The following TBL3 variants were observed in gnomAD, a reference collection of about 807,000 sequenced individuals.
TBL3 encodes transducin beta-like protein 3.
A neutral mutation model predicts 102.7 loss-of-function variants in TBL3; 71 were observed. That is an observed-to-expected ratio of 0.69 (90% CI 0.57 to 0.84). The LOEUF is 0.84. Among genes scored for constraint, TBL3 ranks in the 40% least tolerant of loss-of-function variants. The pLI is 0.00. For missense variants in TBL3, 1,188 were observed against 1,098.5 expected, an observed-to-expected ratio of 1.08 and a Z score of -1.15; for synonymous variants, 578 against 477.7, an observed-to-expected ratio of 1.21 and a Z score of -2.74.
At position 1,980,452 on chromosome 16, in the gene TBL3, C is replaced by CA; in HGVS notation, c.*1768dup. The CA allele has an allele frequency of 1.2e-6, 2 of 1,601,824 alleles. No homozygotes were observed. The highest frequency in any genetic ancestry group is 2.2e-5 in the South Asian group (2 of 91,068). ...GTCGGGCTCCGTGCCACGCGCTCTG[C>CA]AGTCGCCAGCAGCCTCCGAGAATAG... On this transcript the variant is annotated 3_prime_UTR_variant, in exon 22 of 22. Coordinates refer to ENST00000568546, the MANE Select transcript of TBL3 (RefSeq NM_006453.3).
Position 1,977,081 on chromosome 16 carries a change from A to G in TBL3, c.1468A>G (p.Asn490Asp). 6.2e-7 allele frequency: 1 copy of G among 1,613,256 alleles called. No homozygotes were observed. Among genetic ancestry groups the G allele is most frequent in the Non-Finnish European group, 8.5e-7 (1 of 1,179,996 alleles). The part of the protein sequence containing the change: ...KDINSVAIAP[N>D]DKLLATGSQD... ...CATCAACAGCGTGGCTATTGCCCCCAACGACAAGCTGCTGGCCACAGGCTC... is the reference window on the plus strand; with the variant it reads ...CATCAACAGCGTGGCTATTGCCCCCGACGACAAGCTGCTGGCCACAGGCTC... Residue 490 changes from asparagine to aspartate, a missense_variant, in exon 15 of 22, where the codon AAC becomes GAC. Physicochemically the swap from Asn to Asp is conservative, Grantham distance 23. Coordinates refer to ENST00000568546, the MANE Select transcript of TBL3 (RefSeq NM_006453.3).
rs1160909438 is a variant in TBL3, at chr16:1,980,701, C to G, written c.*2016C>G. The G allele has an allele frequency of 6.2e-7, 1 of 1,606,532 alleles. No individual in the cohort carries two copies. The highest frequency in any genetic ancestry group is 1.7e-5 in the Admixed American group (1 of 59,192). On this transcript the variant is annotated 3_prime_UTR_variant, in exon 22 of 22. Coordinates refer to ENST00000568546, the MANE Select transcript of TBL3 (RefSeq NM_006453.3). ...CGGTCAGATCTCCGCAGCAGGCCCG[C>G]CTCCACCGGGAAGGTCTCCTTGAGG...
Position 1,978,700 on chromosome 16 carries a change from C to G in TBL3, c.*15C>G, listed in dbSNP as rs1257352213. On this transcript the variant is annotated 3_prime_UTR_variant, in exon 22 of 22. Transcript: ENST00000568546. ...CACTGCCCTAGCCGGTCCGGCCTCT[C>G]TCCAGTCCATCCTGAACCCCTGGAA... The G allele has an allele frequency of 6.2e-7, 1 of 1,602,250 alleles. No individual in the cohort carries two copies. The highest frequency in any genetic ancestry group is 8.5e-7 in the Non-Finnish European group (1 of 1,171,776).
rs1203391714 is a variant in TBL3, at chr16:1,977,879, TC to T, written c.1959-76del. On this transcript the variant is annotated intron_variant, in intron 18 of 21. Transcript: ENST00000568546. ...GGGAAAACGAGGCTGAGTGCCAGGC[TC>T]CCTGCCTGCTGACTCCGATGGCTCT... 1.8e-5 allele frequency: 29 copies of T among 1,595,196 alleles called. No individual in the cohort carries two copies. In the African/African-American group the frequency reaches 3.2e-4, roughly 18 times the overall value.
chr16:1,974,048 C>G lies in TBL3; in HGVS notation c.42-8C>G. 1 of 1,554,242 alleles carries G rather than the reference C, an allele frequency of 6.4e-7. No homozygotes were observed. Among genetic ancestry groups the G allele is most frequent in the Non-Finnish European group, 8.7e-7 (1 of 1,143,160 alleles). On this transcript the variant is annotated splice_region_variant and splice_polypyrimidine_tract_variant and intron_variant, in intron 1 of 21. Coordinates refer to ENST00000568546, the MANE Select transcript of TBL3 (RefSeq NM_006453.3). The stretch of plus-strand genomic sequence containing the variant: ...GTGGTGCTCATTCGCCTCCCGCTCT[C>G]CTTCCAGCTATGCTGTGGAGCGCAA...
At position 1,979,532 on chromosome 16, in the gene TBL3, G is replaced by A. The variant is rs375968662; in HGVS notation, c.*847G>A. On this transcript the variant is annotated 3_prime_UTR_variant, in exon 22 of 22. Coordinates refer to ENST00000568546, the MANE Select transcript of TBL3 (RefSeq NM_006453.3). ...TGCTCTCGTAGGCGCGGGAAGCACA[G>A]AACTGGGGACCTGGTGGGAGTGGGT... 2.8e-5 allele frequency: 45 copies of A among 1,610,228 alleles called. No individual in the cohort carries two copies. The highest frequency in any genetic ancestry group is 3.4e-5 in the Non-Finnish European group (40 of 1,178,308).
rs749013485 is a variant in TBL3, at chr16:1,976,300, C to T, written c.1278C>T (p.Thr426=). Residue 426 remains threonine (T), a synonymous_variant, in exon 13 of 22, where the codon ACC becomes ACT. Transcript: ENST00000568546. ...CCGGTCACACACACAGTGTGGGCAC[C>T]GTCTGCTGCTCTAGGTAGTGAGTCG... ...QGSGHTHSVG[T]VCCSRLKESF... is the part of the protein sequence containing the mutation. 19 of 1,613,352 alleles carry T rather than the reference C, an allele frequency of 1.2e-5. No homozygotes were observed. In the South Asian group the frequency reaches 1.6e-4, roughly 14 times the overall value.
In TBL3 at chr16:1,979,509, C is replaced by T; in HGVS notation, c.*824C>T. ...CACGGACAGCTCATCTGCGCGGCTG[C>T]TCTCGTAGGCGCGGGAAGCACAGAA... On this transcript the variant is annotated 3_prime_UTR_variant, in exon 22 of 22. Transcript: ENST00000568546. 4 of 1,611,664 alleles carry T rather than the reference C, an allele frequency of 2.5e-6. No homozygotes were observed. Among genetic ancestry groups the T allele is most frequent in the Non-Finnish European group, 3.4e-6 (4 of 1,179,252 alleles).
chr16:1,978,505 G>C (rs2083425038), intron 21 of TBL3, 34 bp downstream of exon 21: 2 of 1,589,396 alleles, frequency 1.3e-6, no homozygotes, highest in East Asian at 4.5e-5. Context: ...GGGGGATCCT[G>C]GTGGGCGTGT....
intron 9 of TBL3, 40 bp downstream of exon 9, chr16:1,975,478 G>A: frequency 1.2e-6 from 2 of 1,607,894 alleles, no homozygotes; most frequent in East Asian, 2.2e-5. Flanking sequence ...TAGGGGCTGG[G>A]GAAGGCCTGT....
rs1319548059 is a variant in TBL3, at chr16:1,978,135, C to T, written c.2063-14C>T. ...GCTCTGCTTTCCCCAGCTCAGCCTT[C>T]CCTTCTCCCACAGCCATCCGGAGGG... On this transcript the variant is annotated splice_polypyrimidine_tract_variant and intron_variant, in intron 19 of 21. Transcript: ENST00000568546. 1 of 1,612,440 alleles carries T rather than the reference C, an allele frequency of 6.2e-7. No individual in the cohort carries two copies. The highest frequency in any genetic ancestry group is 8.5e-7 in the Non-Finnish European group (1 of 1,179,670).
In TBL3 at chr16:1,978,971, G is replaced by T; in HGVS notation, c.*286G>T. ...CAGCAAATGGCCCCCTCCCATCCCT[G>T]CTGGCCAGGGAGATCCGCCCTCCCC... On this transcript the variant is annotated 3_prime_UTR_variant, in exon 22 of 22. Coordinates refer to ENST00000568546, the MANE Select transcript of TBL3 (RefSeq NM_006453.3). The T allele has an allele frequency of 7.3e-7, 1 of 1,365,370 alleles. No homozygotes were observed. Among genetic ancestry groups the T allele is most frequent in the Non-Finnish European group, 9.8e-7 (1 of 1,016,670 alleles). The allele number at this position is 1,365,370 out of a possible 1,614,324, so 84.6% of individuals were successfully genotyped here.
At position 1,975,558 on chromosome 16, in the gene TBL3, G is replaced by C; in HGVS notation, c.835G>C (p.Gly279Arg). The C allele has an allele frequency of 6.3e-7, 1 of 1,598,232 alleles. No homozygotes were observed. The change falls in exon 10 of 22, where the codon GGG becomes CGG. Residue 279 changes from glycine to arginine, a missense_variant. Transcript: ENST00000568546. Reference protein sequence around the residue: ...GTLRVWEAASGQCVYTQAQPP... With the variant: ...GTLRVWEAASRQCVYTQAQPP... The stretch of plus-strand genomic sequence containing the variant: ...TCTGCGCGTGTGGGAGGCAGCTTCT[G>C]GGCAGTGTGTGTACACGCAGGCCCA...
Position 1,974,317 on chromosome 16 carries a change from G to T in TBL3, c.189+25G>T, listed in dbSNP as rs758088734. The T allele has an allele frequency of 2.5e-6, 4 of 1,583,330 alleles. No individual in the cohort carries two copies. In the Admixed American group the frequency reaches 5.2e-5, roughly 21 times the overall value. On this transcript the variant is annotated intron_variant, in intron 3 of 21. Transcript: ENST00000568546. ...GGTGAGGGCAGCCTGGGTGGGTGAG[G>T]GGCAAGTGGAGAGGGCAGCCCACTC... is the stretch of plus-strand genomic sequence containing the variant.
At position 1,980,499 on chromosome 16, in the gene TBL3, G is replaced by T. The variant is rs1248495474; in HGVS notation, c.*1814G>T. 1 of 1,602,908 alleles carries T rather than the reference G, an allele frequency of 6.2e-7. No homozygotes were observed. On this transcript the variant is annotated 3_prime_UTR_variant, in exon 22 of 22. Transcript: ENST00000568546. ...ATAGGTTTCCAACAGCTGCAGGCGC[G>T]CCAGGCCGCGGCTCGTGCGCCCCAC...
chr16:1,979,840 T>A lies in TBL3; in HGVS notation c.*1155T>A. Reference sequence around the variant, plus strand: ...CTCCCGGCCTTGGCCCGGGGCCGCCTCCTCCAGGTAGGGCGCTGGAAACCA... The same window carrying A: ...CTCCCGGCCTTGGCCCGGGGCCGCCACCTCCAGGTAGGGCGCTGGAAACCA... On this transcript the variant is annotated 3_prime_UTR_variant, in exon 22 of 22. Coordinates refer to ENST00000568546, the MANE Select transcript of TBL3 (RefSeq NM_006453.3). 1 of 1,577,566 alleles carries A rather than the reference T, an allele frequency of 6.3e-7. No individual in the cohort carries two copies. Among genetic ancestry groups the A allele is most frequent in the Non-Finnish European group, 8.6e-7 (1 of 1,163,024 alleles).
rs539068939 is a variant in TBL3 at position 1,980,454 on chromosome 16, G to C, written c.*1769G>C. 6.2e-7 allele frequency: 1 copy of C among 1,601,932 alleles called. No homozygotes were observed. Among genetic ancestry groups the C allele is most frequent in the South Asian group, 1.1e-5 (1 of 91,066 alleles). ...CGGGCTCCGTGCCACGCGCTCTGCA[G>C]TCGCCAGCAGCCTCCGAGAATAGGT... On this transcript the variant is annotated 3_prime_UTR_variant, in exon 22 of 22. Transcript: ENST00000568546.
At position 1,980,371 on chromosome 16, in the gene TBL3, CG is replaced by C. The variant is rs749975362; in HGVS notation, c.*1689del. 6.2e-7 allele frequency: 1 copy of C among 1,600,186 alleles called. No homozygotes were observed. Among genetic ancestry groups the C allele is most frequent in the East Asian group, 2.2e-5 (1 of 44,840 alleles). On this transcript the variant is annotated 3_prime_UTR_variant, in exon 22 of 22. Transcript: ENST00000568546. Reference sequence around the variant, plus strand: ...AGTTTGGGGCGAGTCAGGCACCTGCCGGGTGGCAGCGCGGGCTCCAGGTCCA... The same window carrying C: ...AGTTTGGGGCGAGTCAGGCACCTGCCGGTGGCAGCGCGGGCTCCAGGTCCA...
chr16:1,982,325 G>T lies in TBL3; in HGVS notation c.*3640G>T, dbSNP rs2083520971. 6.6e-6 allele frequency: 1 copy of T among 152,156 alleles called. No individual in the cohort carries two copies. Among genetic ancestry groups the T allele is most frequent in the South Asian group, 2.1e-4 (1 of 4,832 alleles). 9.4% of individuals were successfully genotyped at this position (152,156 alleles called of 1,614,324 possible). A position where few individuals can be genotyped will look rare whatever the true frequency, so the allele number is the denominator to read the frequency against. On this transcript the variant is annotated 3_prime_UTR_variant, in exon 22 of 22. Transcript: ENST00000568546. Reference sequence around the variant, plus strand: ...TGCTCACATAGGGCTGATTTGCAGGGTTCCCCCAGCCAGCTGTCACCTTCT... The same window carrying T: ...TGCTCACATAGGGCTGATTTGCAGGTTTCCCCCAGCCAGCTGTCACCTTCT...
Sources: gnomAD v4.1 joint callset for allele counts on GRCh38, gnomAD v4.1.1 for gene constraint, MANE v1.5 for transcripts, NCBI Gene and HGNC (gene_info 2026-07-23, HGNC 2026-07-21) for gene names.